ANTXR1: variants seen among roughly 807,000 people sequenced by gnomAD.
The protein encoded by ANTXR1 is anthrax toxin receptor 1.
In ANTXR1, 19 loss-of-function variants were observed where a neutral mutation model predicts 78.1. The observed-to-expected ratio is 0.24, with a 90% CI of 0.17 to 0.36. The LOEUF is 0.36. Ranked by LOEUF, ANTXR1 falls within the 10% of genes least tolerant of loss-of-function variation. The probability of loss-of-function intolerance (pLI) is 1.00; values close to 1 mark genes in which losing one functional copy is unlikely to be tolerated. For missense variants in ANTXR1, 518 were observed against 718.6 expected (o/e 0.72, Z 3.19); for synonymous variants, 273 against 260.5 (o/e 1.05, Z -0.46).
chr2:69,121,282 T>C (rs1672339061), intron 10 of ANTXR1, among the ~76,000 whole-genome samples: 1 of 152,264 alleles, frequency 6.6e-6, no homozygotes, highest in African/African-American at 2.4e-5. Context: ...ATTTATTTTT[T>C]AATTATGTTA....
intron 4 of ANTXR1, among the ~76,000 whole-genome samples, chr2:69,071,179 G>A (rs1670553208): frequency 6.6e-6 from 1 of 152,154 alleles, no homozygotes; most frequent in Admixed American, 6.5e-5. Flanking sequence ...AATCCATGTT[G>A]ACAACTACAG....
intron 12 of ANTXR1, chr2:69,145,309 T>C: frequency 6.3e-7 from 1 of 1,576,444 alleles, no homozygotes; most frequent in South Asian, 1.2e-5. Flanking sequence ...TGTATTTTTA[T>C]GTTCTCTTTC....
Position 69,102,824 on chromosome 2 carries a change from C to T in ANTXR1, c.704-18C>T. The T allele has an allele frequency of 1.2e-6, 2 of 1,611,962 alleles. No homozygotes were observed. Among genetic ancestry groups the T allele is most frequent in the Non-Finnish European group, 1.7e-6 (2 of 1,178,350 alleles). Reference sequence around the variant, plus strand: ...TTATTGGCCAAGTAACGAGTCTCGTCATTATTCTTTATTTCAGAGTCATTT... The same window carrying T: ...TTATTGGCCAAGTAACGAGTCTCGTTATTATTCTTTATTTCAGAGTCATTT... On this transcript the variant is annotated intron_variant, in intron 9 of 17. Transcript: ENST00000303714.
At chr2:69,081,768 T>C (rs58159769) in intron 8 of ANTXR1, among the ~76,000 whole-genome samples, 50 of 152,334 alleles carry the variant, frequency 3.3e-4, no homozygotes, top group African/African-American at 1.2e-3. Flanking sequence ...CCTACCTCTA[T>C]TTTCTTAGGA....
intron 3 of ANTXR1, among the ~76,000 whole-genome samples, chr2:69,053,873 T>C (rs1168115653): frequency 6.6e-6 from 1 of 152,168 alleles, no homozygotes; most frequent in Non-Finnish European, 1.5e-5. Context: ...ATTAAAAAGT[T>C]TTAACTCAGT....
At chr2:69,066,084 CAAG>C (rs1318320629) in intron 3 of ANTXR1, among the ~76,000 whole-genome samples, 12 of 152,188 alleles carry the variant, frequency 7.9e-5, no homozygotes, top group African/African-American at 2.9e-4. Context: ...AGCTCTTTTA[CAAG>C]AAGACTAGGA....
Position 69,162,544 on chromosome 2 carries a change from G to A in ANTXR1, c.1048-7704G>A, listed in dbSNP as rs183230464. Among the ~76,000 whole-genome samples, 244 of 152,226 alleles carry A rather than the reference G, an allele frequency of 1.6e-3. 4 individuals carry two copies. The highest frequency in any genetic ancestry group is 0.014 in the Admixed American group (221 of 15,290). ...TTCGTCCCTCAACCCAGGCCTCATA[G>A]AATTTCCATAGGTAAATGCCTACTA... On this transcript the variant is annotated intron_variant, in intron 13 of 17. Coordinates refer to ENST00000303714, the MANE Select transcript of ANTXR1 (RefSeq NM_032208.3).
intron 13 of ANTXR1, among the ~76,000 whole-genome samples, chr2:69,165,918 AATTTATAAAGCC>A (rs1304023965): frequency 5.9e-5 from 9 of 152,260 alleles, no homozygotes; most frequent in Non-Finnish European, 1.3e-4. Context: ...TTCTAAAATC[AATTTATAAAGCC>A]ATTTATAAAA....
chr2:69,106,782 C>T (rs988245516), intron 10 of ANTXR1, among the ~76,000 whole-genome samples: 2 of 152,150 alleles, frequency 1.3e-5, no homozygotes, highest in African/African-American at 4.8e-5. Flanking sequence ...AGCATGCCTG[C>T]AGCAAACAAC....
chr2:69,122,977 T>TCA (rs1558572447), intron 10 of ANTXR1, 40 bp from the exon 11 acceptor site: 1 of 1,595,842 alleles, frequency 6.3e-7, no homozygotes, highest in South Asian at 1.1e-5. Flanking sequence ...AATTATAAAC[T>TCA]CACCTCCCTC....
chr2:69,107,249 G>GT (rs1042299183), intron 10 of ANTXR1, among the ~76,000 whole-genome samples: 15 of 151,690 alleles, frequency 9.9e-5, no homozygotes, highest in East Asian at 5.8e-4. Context: ...GTTTTGTGTG[G>GT]TTTTTTTTGA....
rs562644938 is a variant in ANTXR1 at position 69,080,273 on chromosome 2, TAAG to T, written c.642+2789_642+2791del. Reference sequence around the variant, plus strand: ...GGCCTAAAAGTTGGCTAACTATTTTTAAGAAGTAGATTCATTTCCCCTTTTGGA... The same window carrying T: ...GGCCTAAAAGTTGGCTAACTATTTTTAAGTAGATTCATTTCCCCTTTTGGA... On this transcript the variant is annotated intron_variant, in intron 8 of 17. Coordinates refer to ENST00000303714, the MANE Select transcript of ANTXR1 (RefSeq NM_032208.3). 3.8e-3 allele frequency among the ~76,000 whole-genome samples: 579 copies of T among 152,294 alleles called. 4 individuals carry two copies. The highest frequency in any genetic ancestry group is 5.0e-3 in the Non-Finnish European group (341 of 68,022).
At chr2:69,230,787 A>G (rs1056505870) in intron 17 of ANTXR1, among the ~76,000 whole-genome samples, 2 of 152,202 alleles carry the variant, frequency 1.3e-5, no homozygotes, top group Non-Finnish European at 2.9e-5. Flanking sequence ...TTTCTCACCA[A>G]CATAACAATC....
At chr2:69,234,156 C>A (rs1046320504) in intron 17 of ANTXR1, among the ~76,000 whole-genome samples, 15 of 152,100 alleles carry the variant, frequency 9.9e-5, no homozygotes, top group Non-Finnish European at 1.9e-4. Context: ...TAAAGATAGA[C>A]TTATAAGATC....
chr2:69,039,084 A>G (rs74429921), intron 1 of ANTXR1, among the ~76,000 whole-genome samples: 1 of 152,230 alleles, frequency 6.6e-6, no homozygotes, highest in South Asian at 2.1e-4. Context: ...GTCAGAGTAG[A>G]AAGAGCAAAC....
intron 17 of ANTXR1, among the ~76,000 whole-genome samples, chr2:69,217,312 C>A (rs1675202816): frequency 6.6e-6 from 1 of 152,232 alleles, no homozygotes; most frequent in East Asian, 1.9e-4. Context: ...GCCCCCTCAT[C>A]CCTAATGAGG....
intron 12 of ANTXR1, among the ~76,000 whole-genome samples, chr2:69,143,424 C>T (rs192653409): frequency 2.0e-5 from 3 of 152,212 alleles, no homozygotes; most frequent in East Asian, 3.9e-4. Flanking sequence ...GAGAAAATCA[C>T]GCAGCTTTGA....
chr2:69,035,846 A>G (rs1297406567), intron 1 of ANTXR1, among the ~76,000 whole-genome samples: 1 of 152,212 alleles, frequency 6.6e-6, no homozygotes, highest in African/African-American at 2.4e-5. Context: ...GTTTTGATGG[A>G]TGTAGACTTT....
At chr2:69,021,798 T>C (rs541890972) in intron 1 of ANTXR1, among the ~76,000 whole-genome samples, 2 of 152,262 alleles carry the variant, frequency 1.3e-5, no homozygotes, top group South Asian at 4.1e-4. Context: ...GAAGTAGCCA[T>C]TGAGAGAGAA....
Sources: gnomAD v4.1 joint callset for allele counts (sites outside exome capture counted in the v4.1 genomes callset) on GRCh38, gnomAD v4.1.1 for gene constraint, MANE v1.5 for transcripts, NCBI Gene and HGNC (gene_info 2026-07-23, HGNC 2026-07-21) for gene names.